TTYH3: variants seen among roughly 807,000 people sequenced by gnomAD.
The protein encoded by TTYH3 is protein tweety homolog 3.
In TTYH3, 23 loss-of-function variants were observed where a neutral mutation model predicts 68.2. The ratio of observed to expected loss-of-function variants is 0.34; its 90% CI spans 0.24 to 0.48. The LOEUF (loss-of-function observed/expected upper bound fraction) is 0.48. Ranked by LOEUF, TTYH3 falls within the 20% of genes least tolerant of loss-of-function variation. TTYH3 has a pLI of 0.99. For synonymous variants in TTYH3, 360 were observed against 332.8 expected, an observed-to-expected ratio of 1.08 and a Z score of -0.89; for missense variants, 768 against 727.7, an observed-to-expected ratio of 1.06 and a Z score of -0.64.
chr7:2,657,389 GTGA>G (rs1460076666), intron 11 of TTYH3, among the ~76,000 whole-genome samples: 17 of 147,590 alleles, frequency 1.2e-4, no homozygotes, highest in South Asian at 4.3e-4. Context: ...GGTGATGATG[GTGA>G]TGATGGTGGT....
intron 1 of TTYH3, among the ~76,000 whole-genome samples, chr7:2,635,774 C>T (rs760690262): frequency 3.3e-5 from 5 of 152,222 alleles, no homozygotes; most frequent in African/African-American, 7.2e-5. Flanking sequence ...GTTTGCCTAG[C>T]ATGGGGGACG....
chr7:2,641,333 C>T (rs1054518459), intron 1 of TTYH3, among the ~76,000 whole-genome samples: 4 of 151,666 alleles, frequency 2.6e-5, no homozygotes, highest in African/African-American at 9.7e-5. Context: ...AGTCTGGGCT[C>T]ACGGTGGGAG....
intron 1 of TTYH3, among the ~76,000 whole-genome samples, chr7:2,633,610 C>G (rs891100869): frequency 6.6e-6 from 1 of 152,232 alleles, no homozygotes; most frequent in African/African-American, 2.4e-5. Flanking sequence ...GGGGGCAATG[C>G]ACATTCAGGA....
In TTYH3 at chr7:2,656,151, C is replaced by T; in HGVS notation, c.1080C>T (p.Leu360=). ...GCACGGAGGTGAACCTGCAGCACCTCACCGCCCTGGTGGACTGCCGCAGCC... is the reference window on the plus strand; with the variant it reads ...GCACGGAGGTGAACCTGCAGCACCTTACCGCCCTGGTGGACTGCCGCAGCC... ...LNGTEVNLQH[L]TALVDCRSLH... Residue 360 remains leucine (L), a synonymous_variant, in exon 10 of 14, where the codon CTC becomes CTT. Transcript: ENST00000258796. 6.4e-7 allele frequency: 1 copy of T among 1,571,272 alleles called. No homozygotes were observed. The highest frequency in any genetic ancestry group is 2.4e-5 in the East Asian group (1 of 42,492).
rs187624782 is a variant in TTYH3 at position 2,638,606 on chromosome 7, G to C, written c.123+6328G>C. The stretch of plus-strand genomic sequence containing the variant: ...CAGGAGTTGGGGACAGGGACACAAA[G>C]TTGGCCCCGACCCCGGCTCCCACGT... On this transcript the variant is annotated intron_variant, in intron 1 of 13. Coordinates refer to ENST00000258796, the MANE Select transcript of TTYH3 (RefSeq NM_025250.3). Among the ~76,000 whole-genome samples the C allele has an allele frequency of 4.3e-4, 65 of 152,318 alleles. No individual in the cohort carries two copies. In the East Asian group the frequency reaches 0.012, roughly 29 times the overall value.
chr7:2,632,271 A>T lies in TTYH3; in HGVS notation c.116A>T (p.Tyr39Phe). ...SSQFRPEDTD[Y>F]QQALLLLGAA... Reference sequence around the variant, plus strand: ...CAGTTCCGGCCCGAGGACACCGACTACCAGCAGGTGACATGGGCCTCTCGG... The same window carrying T: ...CAGTTCCGGCCCGAGGACACCGACTTCCAGCAGGTGACATGGGCCTCTCGG... The change falls in exon 1 of 14, where the codon TAC (tyrosine) becomes TTC (phenylalanine). Residue 39 changes from tyrosine (Y) to phenylalanine (F), a missense_variant. Physicochemically the swap from Tyr to Phe is conservative, Grantham distance 22 (BLOSUM62 3). Transcript: ENST00000258796. The T allele has an allele frequency of 6.3e-7, 1 of 1,580,928 alleles. No homozygotes were observed. The highest frequency in any genetic ancestry group is 1.1e-5 in the South Asian group (1 of 87,478).
At chr7:2,659,602 G>A (rs1786435308) in intron 13 of TTYH3, among the ~76,000 whole-genome samples, 1 of 152,228 alleles carries the variant, frequency 6.6e-6, no homozygotes, top group African/African-American at 2.4e-5. Context: ...GGGACAGGGT[G>A]CCGAAGAGAA....
intron 1 of TTYH3, among the ~76,000 whole-genome samples, chr7:2,643,748 T>C (rs972542762): frequency 2.6e-5 from 4 of 152,180 alleles, no homozygotes; most frequent in African/African-American, 7.2e-5. Flanking sequence ...CTGGAAGCCC[T>C]TTGATGTACG....
rs770316857 is a variant in TTYH3 at position 2,632,148 on chromosome 7, G to T, written c.-8G>T. 1.4e-6 allele frequency: 2 copies of T among 1,427,108 alleles called. No individual in the cohort carries two copies. The highest frequency in any genetic ancestry group is 1.9e-6 in the Non-Finnish European group (2 of 1,079,042). The allele number at this position is 1,427,108 out of a possible 1,614,324, so 88.4% of individuals were successfully genotyped here. A position where few individuals can be genotyped will look rare whatever the true frequency, so the allele number is the denominator to read the frequency against. ...GCCGCGCGCATCCGGAGGCGGCCGG[G>T]CCCCGCCATGGCCGGGGTCAGCTAC... On this transcript the variant is annotated 5_prime_UTR_variant, in exon 1 of 14. Transcript: ENST00000258796.
rs1401687638 is a variant in TTYH3 at position 2,647,634 on chromosome 7, T to C, written c.622T>C (p.Tyr208His). 1 of 1,564,202 alleles carries C rather than the reference T, an allele frequency of 6.4e-7. No individual in the cohort carries two copies. The highest frequency in any genetic ancestry group is 1.9e-5 in the Admixed American group (1 of 53,232). ...LAEQVDLYDWYRWLGYLGLLL... is the reference protein window; with the variant it reads ...LAEQVDLYDWHRWLGYLGLLL... The stretch of plus-strand genomic sequence containing the variant: ...GGAGCAGGTGGATCTCTACGACTGG[T>C]ACAGGTGCGGCCAGGCCCTCTTCCC... The change falls in exon 4 of 14, where the codon TAC becomes CAC. Residue 208 changes from tyrosine (Y) to histidine (H), a missense_variant. By Grantham distance (83) the Tyr-to-His change is moderately conservative. Coordinates refer to ENST00000258796, the MANE Select transcript of TTYH3 (RefSeq NM_025250.3).
chr7:2,648,830 T>TA (rs1325375647), intron 5 of TTYH3, among the ~76,000 whole-genome samples: 1 of 144,904 alleles, frequency 6.9e-6, no homozygotes, highest in African/African-American at 2.6e-5. Flanking sequence ...CCCAAGGGAG[T>TA]AAGGGACGCC....
rs1583565555 is a variant in TTYH3 at position 2,647,561 on chromosome 7, C to T, written c.549C>T (p.Ala183=). ...TGGAGACGCTGCTGGGCTACACGGC[C>T]GCCATCCCCTTTTGGAGGAACACGG... ...GLLETLLGYT[A]AIPFWRNTAV... Residue 183 remains alanine (A), a synonymous_variant, in exon 4 of 14, where the codon GCC becomes GCT. Coordinates refer to ENST00000258796, the MANE Select transcript of TTYH3 (RefSeq NM_025250.3). 4.5e-6 allele frequency: 7 copies of T among 1,562,306 alleles called. No individual in the cohort carries two copies. Among genetic ancestry groups the T allele is most frequent in the Non-Finnish European group, 6.1e-6 (7 of 1,154,394 alleles).
intron 11 of TTYH3, among the ~76,000 whole-genome samples, chr7:2,656,815 C>G (rs1266714576): frequency 6.6e-6 from 1 of 152,216 alleles, no homozygotes; most frequent in Non-Finnish European, 1.5e-5. Flanking sequence ...TCTCTTGCCT[C>G]CCCAGACTGG....
chr7:2,659,162 C>A (rs899669892), intron 13 of TTYH3, 147 bp downstream of exon 13: 21 of 801,132 alleles, frequency 2.6e-5, no homozygotes, highest in East Asian at 5.4e-5. Flanking sequence ...TCCCAGGTGA[C>A]CCTTCCCAGC....
rs772275980 is a variant in TTYH3 at position 2,632,198 on chromosome 7, C to A, written c.43C>A (p.Leu15Met). The change falls in exon 1 of 14, where the codon CTG becomes ATG. Residue 15 changes from leucine to methionine, a missense_variant. Physicochemically the swap from Leu to Met is conservative, Grantham distance 15. Transcript: ENST00000258796. Reference sequence around the variant, plus strand: ...CGCGGCGCCCTGGTGGGTGAGCCTCCTGCACCGGCTGCCCCACTTCGACCT... The same window carrying A: ...CGCGGCGCCCTGGTGGGTGAGCCTCATGCACCGGCTGCCCCACTTCGACCT... Reference protein sequence around the residue: ...SYAAPWWVSLLHRLPHFDLSW... With the variant: ...SYAAPWWVSLMHRLPHFDLSW... The A allele has an allele frequency of 7.7e-6, 12 of 1,557,010 alleles. No homozygotes were observed. The Admixed American group carries it at 2.3e-4, about 29-fold the overall frequency.
chr7:2,660,357 C>T (rs1786461632), intron 13 of TTYH3: 1 of 985,290 alleles, frequency 1.0e-6, no homozygotes, highest in African/African-American at 1.7e-5. Context: ...ATCCATGCAC[C>T]CAGACCCCTG....
At chr7:2,651,487 C>T (rs536786906) in intron 7 of TTYH3, among the ~76,000 whole-genome samples, 33 of 152,292 alleles carry the variant, frequency 2.2e-4, no homozygotes, top group East Asian at 1.7e-3. Context: ...TCCTTGGCCC[C>T]GGTGCTATCA....
At chr7:2,637,531 G>A (rs1455483597) in intron 1 of TTYH3, among the ~76,000 whole-genome samples, 2 of 152,142 alleles carry the variant, frequency 1.3e-5, no homozygotes, top group Non-Finnish European at 2.9e-5. Flanking sequence ...AGCACAGTTC[G>A]TGAACCCAGG....
intron 1 of TTYH3, among the ~76,000 whole-genome samples, chr7:2,639,612 A>G (rs774928619): frequency 6.6e-6 from 1 of 152,380 alleles, no homozygotes; most frequent in East Asian, 1.9e-4. Context: ...CCCGGAGCCC[A>G]GCCAGGACCA....
Sources: gnomAD v4.1 joint callset for allele counts (sites outside exome capture counted in the v4.1 genomes callset) on GRCh38, gnomAD v4.1.1 for gene constraint, MANE v1.5 for transcripts, NCBI Gene and HGNC (gene_info 2026-07-23, HGNC 2026-07-21) for gene names.